RABGAP1L: variants seen among roughly 807,000 people sequenced by gnomAD.
RABGAP1L encodes the protein rab GTPase-activating protein 1-like.
In RABGAP1L, 63 loss-of-function variants were observed where a neutral mutation model predicts 137.7. That is an observed-to-expected ratio of 0.46 (90% CI 0.37 to 0.56). RABGAP1L has a LOEUF of 0.56. RABGAP1L is among the 20% of genes least tolerant of loss of function. RABGAP1L has a pLI of 0.00. For missense variants in RABGAP1L, 1,095 were observed against 1,244.0 expected (o/e 0.88, Z 1.80); for synonymous variants, 431 against 433.7 (o/e 0.99, Z 0.08).
intron 21 of RABGAP1L, 74 bp downstream of exon 21, chr1:174,969,461 A>C: frequency 1.8e-6 from 2 of 1,140,678 alleles, no homozygotes; most frequent in Non-Finnish European, 2.6e-6. Flanking sequence ...CGCCCCCACA[A>C]ACTTGCTTTG....
At chr1:174,544,178 C>G (rs964757254) in intron 13 of RABGAP1L, among the ~76,000 whole-genome samples, 1 of 152,162 alleles carries the variant, frequency 6.6e-6, no homozygotes, top group African/African-American at 2.4e-5. Flanking sequence ...TGGGTAATAT[C>G]CTGCAGAGTG....
intron 11 of RABGAP1L, among the ~76,000 whole-genome samples, chr1:174,366,385 T>C (rs1571430509): frequency 6.6e-6 from 1 of 152,194 alleles, no homozygotes; most frequent in East Asian, 1.9e-4. Context: ...TCCAAGGCCC[T>C]ATGGGACAAC....
At chr1:174,532,200 GT>G (rs1282965825) in intron 13 of RABGAP1L, among the ~76,000 whole-genome samples, 7 of 150,650 alleles carry the variant, frequency 4.6e-5, no homozygotes, top group Non-Finnish European at 7.4e-5. Flanking sequence ...GGAGTTTTTT[GT>G]TTTTTGTTTT....
chr1:174,637,587 C>A, intron 14 of RABGAP1L, 99 bp downstream of exon 14: 2 of 835,694 alleles, frequency 2.4e-6, no homozygotes, highest in Non-Finnish European at 3.9e-6. Flanking sequence ...TTCTTATTTG[C>A]ACTATGCCAT....
chr1:174,649,188 T>C (rs1675245484), intron 14 of RABGAP1L, among the ~76,000 whole-genome samples: 1 of 152,164 alleles, frequency 6.6e-6, no homozygotes, highest in Non-Finnish European at 1.5e-5. Context: ...TTCGGGCATT[T>C]AGCCTGTTTA....
At chr1:174,225,667 G>A (rs1311607247) in intron 3 of RABGAP1L, among the ~76,000 whole-genome samples, 1 of 151,942 alleles carries the variant, frequency 6.6e-6, no homozygotes, top group Non-Finnish European at 1.5e-5. Flanking sequence ...AGAGTTAGGG[G>A]ATTATCTTCT....
intron 19 of RABGAP1L, among the ~76,000 whole-genome samples, chr1:174,853,189 TATG>T (rs1648674203): frequency 6.6e-6 from 1 of 150,688 alleles, no homozygotes; most frequent in African/African-American, 2.4e-5. Flanking sequence ...ATTTGCATAA[TATG>T]ATAAGAATGC....
chr1:174,693,084 A>G (rs919497568), intron 15 of RABGAP1L, among the ~76,000 whole-genome samples: 2 of 152,180 alleles, frequency 1.3e-5, no homozygotes, highest in Non-Finnish European at 2.9e-5. Context: ...GTTCTTGTAG[A>G]TTATACCTTT....
intron 17 of RABGAP1L, among the ~76,000 whole-genome samples, chr1:174,719,754 A>T (rs562885027): frequency 6.6e-6 from 1 of 152,230 alleles, no homozygotes; most frequent in Non-Finnish European, 1.5e-5. Context: ...GTGTATCATC[A>T]GTCCAAATTC....
At chr1:174,604,766 C>A (rs1012087666) in intron 13 of RABGAP1L, among the ~76,000 whole-genome samples, 3 of 152,168 alleles carry the variant, frequency 2.0e-5, no homozygotes, top group African/African-American at 7.2e-5. Flanking sequence ...GTGCTCTTTA[C>A]TTTAAGAGTA....
chr1:174,396,511 A>C (rs184012559), intron 13 of RABGAP1L, among the ~76,000 whole-genome samples: 3 of 152,178 alleles, frequency 2.0e-5, no homozygotes, highest in Admixed American at 2.0e-4. Flanking sequence ...ATTTATGCCT[A>C]GAAGTTTTTA....
Position 174,241,501 on chromosome 1 carries a change from C to G in RABGAP1L, c.561C>G (p.Ser187Arg). ...TCTACAGAATTATAGACCAATCCAG[C>G]AATGTGGAGATAGCATCTTTTCCAA... is the stretch of plus-strand genomic sequence containing the variant. ...EGSVRIIDQS[S>R]NVEIASFPIY... The change falls in exon 5 of 26, where the codon AGC becomes AGG. Residue 187 changes from serine to arginine, a missense_variant. Around this residue, in one of 4 missense-constraint regions of RABGAP1L, gnomAD observed 356 missense variants for 326.3 expected, o/e 1.09. Transcript: ENST00000681986. The G allele has an allele frequency of 6.3e-7, 1 of 1,599,426 alleles. No individual in the cohort carries two copies. Among genetic ancestry groups the G allele is most frequent in the East Asian group, 2.2e-5 (1 of 44,538 alleles).
At chr1:174,431,455 C>T (rs1652619614) in intron 13 of RABGAP1L, among the ~76,000 whole-genome samples, 1 of 152,088 alleles carries the variant, frequency 6.6e-6, no homozygotes, top group Non-Finnish European at 1.5e-5. Context: ...TATTTTCATA[C>T]CTGTTGCCAT....
intron 19 of RABGAP1L, among the ~76,000 whole-genome samples, chr1:174,825,258 A>G (rs1358327677): frequency 1.3e-5 from 2 of 152,218 alleles, no homozygotes; most frequent in Non-Finnish European, 2.9e-5. Flanking sequence ...AAGAGGTGGT[A>G]AAACAGTGTT....
At chr1:174,248,385 C>G (rs549259400) in intron 5 of RABGAP1L, among the ~76,000 whole-genome samples, 24 of 152,300 alleles carry the variant, frequency 1.6e-4, no homozygotes, top group African/African-American at 5.5e-4. Context: ...TTGAGGCCTA[C>G]AGTTCTTATT....
intron 17 of RABGAP1L, among the ~76,000 whole-genome samples, chr1:174,726,773 A>G (rs1238228261): frequency 2.0e-5 from 3 of 152,196 alleles, no homozygotes; most frequent in Non-Finnish European, 4.4e-5. Flanking sequence ...TACAGTGTCT[A>G]AAAGAAAAAT....
rs181272934 is a variant in RABGAP1L at position 174,820,416 on chromosome 1, A to G, written c.2340+8456A>G. Among the ~76,000 whole-genome samples the G allele has an allele frequency of 3.3e-5, 5 of 152,272 alleles. No individual in the cohort carries two copies. The East Asian group carries it at 7.7e-4, about 24-fold the overall frequency. ...ACCAATGACTTAACCGCCCCACTCA[A>G]TTTCTGAATATTAAGAGCCACTTTT... is the stretch of plus-strand genomic sequence containing the variant. On this transcript the variant is annotated intron_variant, in intron 19 of 25. Coordinates refer to ENST00000681986, the MANE Select transcript of RABGAP1L (RefSeq NM_001366446.1).
intron 11 of RABGAP1L, among the ~76,000 whole-genome samples, chr1:174,307,726 G>C (rs1678431614): frequency 6.6e-6 from 1 of 151,992 alleles, no homozygotes. Context: ...TCTTTCAGTG[G>C]ACACTGGTTG....
Position 174,446,295 on chromosome 1 carries a change from A to C in RABGAP1L, c.1710+52150A>C, listed in dbSNP as rs2149245042. Among the ~76,000 whole-genome samples the C allele has an allele frequency of 2.0e-5, 3 of 152,342 alleles. No individual in the cohort carries two copies. In the South Asian group the frequency reaches 6.2e-4, roughly 32 times the overall value. On this transcript the variant is annotated intron_variant, in intron 13 of 25. Coordinates refer to ENST00000681986, the MANE Select transcript of RABGAP1L (RefSeq NM_001366446.1). Reference sequence around the variant, plus strand: ...AGAGAACTGTTTTGTGATAAGTGAAACTAGGAATGTAGAAGAAGAAATATC... The same window carrying C: ...AGAGAACTGTTTTGTGATAAGTGAACCTAGGAATGTAGAAGAAGAAATATC...
Sources: allele counts gnomAD v4.1 joint callset (sites outside exome capture counted in the v4.1 genomes callset), GRCh38; gene constraint gnomAD v4.1.1; regional missense constraint gnomAD v4.1.1; transcripts MANE v1.5; gene names NCBI Gene and HGNC (gene_info 2026-07-23, HGNC 2026-07-21).